IGSF9B: variants seen among roughly 807,000 people sequenced by gnomAD.
IGSF9B encodes immunoglobulin superfamily member 9B.
A neutral mutation model predicts 143.7 loss-of-function variants in IGSF9B; 48 were observed. The observed-to-expected ratio is 0.33, with a 90% CI of 0.26 to 0.42. The LOEUF (loss-of-function observed/expected upper bound fraction) is 0.42. Among genes scored for constraint, IGSF9B ranks in the 20% least tolerant of loss-of-function variants. The probability of loss-of-function intolerance (pLI) is 1.00; values close to 1 mark genes in which losing one functional copy is unlikely to be tolerated. For synonymous variants in IGSF9B, 903 were observed against 833.1 expected (o/e 1.08, Z -1.44); for missense variants, 1,706 against 1,980.0 (o/e 0.86, Z 2.63).
At position 133,915,636 on chromosome 11, in the gene IGSF9B, G is replaced by C. The variant is rs1279810433; in HGVS notation, c.3984-3629C>G. Among the ~76,000 whole-genome samples, 4 of 152,146 alleles carry C rather than the reference G, an allele frequency of 2.6e-5. No individual in the cohort carries two copies. In the East Asian group the frequency reaches 7.7e-4, roughly 29 times the overall value. ...ATTTGCTTAGCTCTCAGCTTACCCAGAAGAGCTGAGGAAAGATGCAGCCAG... is the reference window on the plus strand; with the variant it reads ...ATTTGCTTAGCTCTCAGCTTACCCACAAGAGCTGAGGAAAGATGCAGCCAG... On this transcript the variant is annotated intron_variant, in intron 18 of 19. Transcript: ENST00000533871.
At position 133,934,259 on chromosome 11, in the gene IGSF9B, C is replaced by G. The variant is rs1305164095; in HGVS notation, c.967+1358G>C. On this transcript the variant is annotated intron_variant, in intron 7 of 19. Coordinates refer to ENST00000533871, the MANE Select transcript of IGSF9B (RefSeq NM_001277285.4). ...GCCTTCATCCTGGCCAGCTCGTCTT[C>G]CAAAGGCCACCTCCTGTTGGCTCCT... Among the ~76,000 whole-genome samples, 3 of 152,032 alleles carry G rather than the reference C, an allele frequency of 2.0e-5. No homozygotes were observed. In the East Asian group the frequency reaches 6.0e-4, roughly 30 times the overall value.
rs1221854880 is a variant in IGSF9B, at chr11:133,928,233, C to A, written c.1632-1142G>T. On this transcript the variant is annotated intron_variant, in intron 12 of 19. Coordinates refer to ENST00000533871, the MANE Select transcript of IGSF9B (RefSeq NM_001277285.4). This position sits in a 1 kb window ranked among gnomAD's most constrained non-coding sequence, Gnocchi z 4.7. ...AAATGTCCCACCCTGGACACCTAGG[C>A]GCTGAGCAGCACCGGTCTCCCAGCA... Among the ~76,000 whole-genome samples the A allele has an allele frequency of 2.0e-5, 3 of 152,148 alleles. No individual in the cohort carries two copies. The highest frequency in any genetic ancestry group is 4.4e-5 in the Non-Finnish European group (3 of 68,022).
At position 133,953,689 on chromosome 11, in the gene IGSF9B, G is replaced by T. The variant is rs1237253588; in HGVS notation, c.64+3002C>A. 6.6e-6 allele frequency among the ~76,000 whole-genome samples: 1 copy of T among 152,204 alleles called. No homozygotes were observed. The highest frequency in any genetic ancestry group is 1.9e-4 in the East Asian group (1 of 5,192). On this transcript the variant is annotated intron_variant, in intron 1 of 19. Coordinates refer to ENST00000533871, the MANE Select transcript of IGSF9B (RefSeq NM_001277285.4). The surrounding 1 kb of genome is among the most constrained non-coding windows in gnomAD (Gnocchi z 4.2). Reference sequence around the variant, plus strand: ...GACAGAATCTGTGGCAGACAGAGGAGGCAGCCGTGGGAGTAAAGTCTGGGA... The same window carrying T: ...GACAGAATCTGTGGCAGACAGAGGATGCAGCCGTGGGAGTAAAGTCTGGGA...
chr11:133,912,111 T>A, intron 18 of IGSF9B, 104 bp from the exon 19 acceptor site: 1 of 1,360,738 alleles, frequency 7.3e-7, no homozygotes, highest in Non-Finnish European at 9.8e-7. Flanking sequence ...AAGGACAGAG[T>A]TCAGTCCTAC....
intron 3 of IGSF9B, 110 bp from the exon 4 acceptor site, chr11:133,938,071 G>A: frequency 8.1e-7 from 1 of 1,235,594 alleles, no homozygotes. Context: ...CGGAATGCAA[G>A]GACAAAGGAA....
intron 5 of IGSF9B, among the ~76,000 whole-genome samples, chr11:133,936,723 T>C (rs1453051885): frequency 3.3e-5 from 5 of 151,816 alleles, no homozygotes; most frequent in Non-Finnish European, 7.4e-5. Context: ...TGCTCGGCAC[T>C]CAGAGGCAGG....
chr11:133,901,935 A>C lies in IGSF9B; in HGVS notation c.*7134T>G, dbSNP rs796330143. Among the ~76,000 whole-genome samples the C allele has an allele frequency of 2.2e-5, 2 of 91,178 alleles. No individual in the cohort carries two copies. Among genetic ancestry groups the C allele is most frequent in the African/African-American group, 3.6e-5 (1 of 27,962 alleles). 59.8% of individuals were successfully genotyped at this position (91,178 alleles called of 152,430 possible). On this transcript the variant is annotated 3_prime_UTR_variant, in exon 20 of 20. Transcript: ENST00000533871. ...CACACAACACACACCAAACCACACA[A>C]CACACACACACATCACACACATGCA...
Position 133,920,221 on chromosome 11 carries a change from G to C in IGSF9B, c.3504C>G (p.Thr1168=), listed in dbSNP as rs370996626. The change falls in exon 18 of 20, where the codon ACC becomes ACG. Residue 1168 remains threonine (T), a synonymous_variant. Transcript: ENST00000533871. ...HGGPSTFGLD[T]RWYEPQPRPR... ...GCCGGGGCTGGGGCTCATACCACCGGGTGTCCAGGCCAAATGTGCTGGGGC... is the reference window on the plus strand; with the variant it reads ...GCCGGGGCTGGGGCTCATACCACCGCGTGTCCAGGCCAAATGTGCTGGGGC... The C allele has an allele frequency of 6.6e-7, 1 of 1,515,470 alleles. No homozygotes were observed. Among genetic ancestry groups the C allele is most frequent in the Non-Finnish European group, 8.8e-7 (1 of 1,132,326 alleles). 93.9% of individuals were successfully genotyped at this position (1,515,470 alleles called of 1,614,324 possible). A position where few individuals can be genotyped will look rare whatever the true frequency, so the allele number is the denominator to read the frequency against.
At chr11:133,929,415 G>A (rs764428599) in intron 12 of IGSF9B, among the ~76,000 whole-genome samples, 24 of 152,214 alleles carry the variant, frequency 1.6e-4, no homozygotes, top group Non-Finnish European at 2.8e-4. Flanking sequence ...GGCAGCACGT[G>A]AGCAGGGAGA....
In IGSF9B at chr11:133,897,590, G is replaced by A. The variant is rs954178999; in HGVS notation, c.*11479C>T. ...TTTGAGAAGAGGGTGATAGAGCAGG[G>A]AGCTCCTCACAGACAGGTTATACAG... On this transcript the variant is annotated 3_prime_UTR_variant, in exon 20 of 20. Coordinates refer to ENST00000533871, the MANE Select transcript of IGSF9B (RefSeq NM_001277285.4). 6.6e-6 allele frequency: 1 copy of A among 152,160 alleles called. No homozygotes were observed. The highest frequency in any genetic ancestry group is 2.4e-5 in the African/African-American group (1 of 41,440). The allele number at this position is 152,160 out of a possible 1,614,324, so 9.4% of individuals were successfully genotyped here. A position where few individuals can be genotyped will look rare whatever the true frequency, so the allele number is the denominator to read the frequency against.
rs1299077748 is a variant in IGSF9B, at chr11:133,913,951, C to T, written c.3984-1944G>A. On this transcript the variant is annotated intron_variant, in intron 18 of 19. Transcript: ENST00000533871. The surrounding 1 kb of genome is among the most constrained non-coding windows in gnomAD (Gnocchi z 4.6). ...ACGTGTGGTCAGGGAGGCGCATGAC[C>T]GGCAAGAAGAGTGCTCTCCAATGTC... Among the ~76,000 whole-genome samples, 10 of 152,166 alleles carry T rather than the reference C, an allele frequency of 6.6e-5. No homozygotes were observed. The highest frequency in any genetic ancestry group is 1.5e-5 in the Non-Finnish European group (1 of 68,020).
In IGSF9B at chr11:133,899,048, C is replaced by T. The variant is rs1050420377; in HGVS notation, c.*10021G>A. ...GGGAGAGTGATTCTCACACATCTCC[C>T]TATTCCCGACTCTTGCTCTATATAG... On this transcript the variant is annotated 3_prime_UTR_variant, in exon 20 of 20. Coordinates refer to ENST00000533871, the MANE Select transcript of IGSF9B (RefSeq NM_001277285.4). 2.0e-5 allele frequency: 3 copies of T among 152,254 alleles called. No homozygotes were observed. Among genetic ancestry groups the T allele is most frequent in the Non-Finnish European group, 4.4e-5 (3 of 68,068 alleles). The allele number at this position is 152,254 out of a possible 1,614,324, so 9.4% of individuals were successfully genotyped here. A position where few individuals can be genotyped will look rare whatever the true frequency, so the allele number is the denominator to read the frequency against.
intron 18 of IGSF9B, among the ~76,000 whole-genome samples, chr11:133,916,484 A>C (rs535074097): frequency 3.3e-4 from 50 of 152,308 alleles, no homozygotes; most frequent in Non-Finnish European, 5.4e-4. Context: ...CAGCAGCCGT[A>C]CCGGGGAGGC....
In IGSF9B at chr11:133,953,297, G is replaced by T. The variant is rs948868051; in HGVS notation, c.64+3394C>A. On this transcript the variant is annotated intron_variant, in intron 1 of 19. Coordinates refer to ENST00000533871, the MANE Select transcript of IGSF9B (RefSeq NM_001277285.4). The surrounding 1 kb of genome is among the most constrained non-coding windows in gnomAD (Gnocchi z 4.2). ...CCAGCACATGCAGGGCCACAGGCCCGCGGCTGAAAGCTGATTGCCCTCTGC... is the reference window on the plus strand; with the variant it reads ...CCAGCACATGCAGGGCCACAGGCCCTCGGCTGAAAGCTGATTGCCCTCTGC... 6.6e-6 allele frequency among the ~76,000 whole-genome samples: 1 copy of T among 152,196 alleles called. No homozygotes were observed. The highest frequency in any genetic ancestry group is 6.5e-5 in the Admixed American group (1 of 15,282).
chr11:133,922,343 G>T, intron 16 of IGSF9B, 121 bp from the exon 17 acceptor site: 1 of 1,026,336 alleles, frequency 9.7e-7, no homozygotes, highest in Non-Finnish European at 1.5e-6. Flanking sequence ...GCTCACAGTG[G>T]GCATCTTTGG....
rs932347444 is a variant in IGSF9B at position 133,908,403 on chromosome 11, C to T, written c.*666G>A. On this transcript the variant is annotated 3_prime_UTR_variant, in exon 20 of 20. Transcript: ENST00000533871. ...TGGGTGGGAGAAGGTAGGAGACACA[C>T]GGAGAATTCAGCTGAGAGACACGGA... Among the ~76,000 whole-genome samples the T allele has an allele frequency of 3.9e-5, 6 of 152,028 alleles. No individual in the cohort carries two copies. The highest frequency in any genetic ancestry group is 6.5e-5 in the Admixed American group (1 of 15,268).
rs769551430 is a variant in IGSF9B at position 133,931,789 on chromosome 11, C to T, written c.1117G>A (p.Gly373Ser). The T allele has an allele frequency of 1.2e-6, 2 of 1,611,894 alleles. No individual in the cohort carries two copies. Among genetic ancestry groups the T allele is most frequent in the Non-Finnish European group, 1.7e-6 (2 of 1,179,384 alleles). ...GAGCCATCCTCCATCAGGGTCCAAC[C>T]GAGGTTCTGCCAGACACAGACGATA... is the stretch of plus-strand genomic sequence containing the variant. ...GRPLQVEKNL[G>S]WTLMEDGSIR... The change falls in exon 9 of 20, where the codon GGT (glycine) becomes AGT (serine). Residue 373 changes from glycine to serine, a missense_variant. By Grantham distance (56) the Gly-to-Ser change is moderately conservative (BLOSUM62 0). Transcript: ENST00000533871. The surrounding 1 kb of genome is among the most constrained non-coding windows in gnomAD (Gnocchi z 7.7).
At position 133,928,934 on chromosome 11, in the gene IGSF9B, T is replaced by A. The variant is rs1317163368; in HGVS notation, c.1631+737A>T. Among the ~76,000 whole-genome samples the A allele has an allele frequency of 2.0e-5, 3 of 152,128 alleles. No individual in the cohort carries two copies. The highest frequency in any genetic ancestry group is 4.4e-5 in the Non-Finnish European group (3 of 68,030). ...CCAAGGCTGGGAAGTGAGCATCACC[T>A]CTCCACACCAGTTTCTGTGGCCTCT... On this transcript the variant is annotated intron_variant, in intron 12 of 19. Transcript: ENST00000533871. The surrounding 1 kb of genome is among the most constrained non-coding windows in gnomAD (Gnocchi z 4.7).
Position 133,920,854 on chromosome 11 carries a change from G to GGGA in IGSF9B, c.2870_2871insTCC (p.Pro958dup). 1 of 1,602,086 alleles carries GGGA rather than the reference G, an allele frequency of 6.2e-7. No homozygotes were observed. Among genetic ancestry groups the GGGA allele is most frequent in the South Asian group, 1.1e-5 (1 of 90,200 alleles). ...ACTGGCCATGGTGGAAGGGCCGGGG[G>GGGA]GCAGGGGGCCGGGCCTGGCCTGTGG... On this transcript the variant is annotated inframe_insertion, in exon 18 of 20. Transcript: ENST00000533871.
Sources: allele counts gnomAD v4.1 joint callset (sites outside exome capture counted in the v4.1 genomes callset), GRCh38; gene constraint gnomAD v4.1.1; non-coding constraint Gnocchi (gnomAD v3.1); transcripts MANE v1.5; gene names NCBI Gene and HGNC (gene_info 2026-07-23, HGNC 2026-07-21).